FHIT: variants seen among roughly 807,000 people sequenced by gnomAD.
FHIT encodes the protein fragile histidine triad diadenosine triphosphatase.
FHIT carries 19 observed loss-of-function variants against 17.9 expected under a neutral mutation model. The ratio of observed to expected loss-of-function variants is 1.06; its 90% CI spans 0.74 to 1.56. The LOEUF (loss-of-function observed/expected upper bound fraction) is 1.56, where lower values mean the gene tolerates loss of function less well. Ranked by LOEUF, FHIT falls within the 40% of genes most tolerant of loss-of-function variation. FHIT has a pLI of 0.00. For synonymous variants in FHIT, 81 were observed against 69.7 expected (o/e 1.16, Z -0.81); for missense variants, 248 against 189.2 (o/e 1.31, Z -1.82).
intron 1 of FHIT, among the ~76,000 whole-genome samples, chr3:61,232,075 A>G (rs13099255): frequency 6.6e-6 from 1 of 152,238 alleles, no homozygotes; most frequent in Non-Finnish European, 1.5e-5. Flanking sequence ...AAGACTGTCC[A>G]TATGTAAAAG....
chr3:60,072,007 C>T (rs1253822410), intron 5 of FHIT, among the ~76,000 whole-genome samples: 2 of 152,178 alleles, frequency 1.3e-5, no homozygotes, highest in East Asian at 1.9e-4. Flanking sequence ...TCCGTTAAAC[C>T]TCTTCCCTTT....
chr3:61,065,844 G>A (rs372941002), intron 2 of FHIT, among the ~76,000 whole-genome samples: 6 of 152,058 alleles, frequency 3.9e-5, no homozygotes, highest in African/African-American at 1.4e-4. Context: ...GTGCTGACAT[G>A]GCAGTTCTAC....
intron 2 of FHIT, among the ~76,000 whole-genome samples, chr3:61,047,786 C>T (rs2033863685): frequency 1.3e-5 from 2 of 151,546 alleles, no homozygotes; most frequent in African/African-American, 4.8e-5. Context: ...AGATATAGAC[C>T]AATGGAACAG....
intron 8 of FHIT, among the ~76,000 whole-genome samples, chr3:59,856,360 C>T (rs1363013127): frequency 1.3e-5 from 2 of 152,118 alleles, no homozygotes; most frequent in East Asian, 3.8e-4. Flanking sequence ...GGTGATTTTA[C>T]ACGCAAATTT....
chr3:60,428,663 AG>A (rs35095248), intron 5 of FHIT, among the ~76,000 whole-genome samples: 1 of 152,178 alleles, frequency 6.6e-6, no homozygotes, highest in Non-Finnish European at 1.5e-5. Flanking sequence ...AGCAAGTGAC[AG>A]GGGTAAATGC....
At chr3:60,536,011 T>G (rs1157466974) in intron 5 of FHIT, 1 of 152,140 alleles carries the variant, frequency 6.6e-6, no homozygotes, top group African/African-American at 2.4e-5. Context: ...ACTTATTATC[T>G]GAAAATATCA....
chr3:60,637,912 G>T (rs1208841638), intron 4 of FHIT, among the ~76,000 whole-genome samples: 1 of 152,128 alleles, frequency 6.6e-6, no homozygotes, highest in South Asian at 2.1e-4. Flanking sequence ...TAGACATGAT[G>T]AATTGGCAAA....
At chr3:60,039,298 C>G (rs1201549653) in intron 5 of FHIT, among the ~76,000 whole-genome samples, 1 of 152,214 alleles carries the variant, frequency 6.6e-6, no homozygotes, top group African/African-American at 2.4e-5. Context: ...CTTACTTCTC[C>G]CATCATCTGA....
intron 2 of FHIT, among the ~76,000 whole-genome samples, chr3:61,140,031 A>AT (rs1419877074): frequency 2.6e-5 from 4 of 151,742 alleles, no homozygotes; most frequent in African/African-American, 9.7e-5. Context: ...GCAAAAAAAA[A>AT]AAAAAAATAA....
intron 2 of FHIT, among the ~76,000 whole-genome samples, chr3:61,112,465 T>G (rs2036187983): frequency 6.6e-6 from 1 of 152,138 alleles, no homozygotes; most frequent in South Asian, 2.1e-4. Context: ...GACAATATAT[T>G]TCCCCTGACA....
intron 5 of FHIT, among the ~76,000 whole-genome samples, chr3:60,450,911 A>G (rs919840373): frequency 1.3e-5 from 2 of 152,144 alleles, no homozygotes; most frequent in Non-Finnish European, 2.9e-5. Context: ...ATAGTAGACT[A>G]TTTTTCTCAT....
At chr3:60,180,971 A>AT (rs1303246624) in intron 5 of FHIT, among the ~76,000 whole-genome samples, 1 of 152,042 alleles carries the variant, frequency 6.6e-6, no homozygotes, top group Non-Finnish European at 1.5e-5. Flanking sequence ...TAAATTTTCT[A>AT]TTTTAAAATG....
At chr3:60,569,749 A>ATT (rs1553654729) in intron 4 of FHIT, among the ~76,000 whole-genome samples, 5 of 62,772 alleles carry the variant, frequency 8.0e-5, no homozygotes, top group East Asian at 7.4e-4. Flanking sequence ...ATATATATAT[A>ATT]TATATATTTT....
intron 8 of FHIT, among the ~76,000 whole-genome samples, chr3:59,760,136 A>T (rs1213177395): frequency 1.3e-5 from 2 of 152,208 alleles, no homozygotes; most frequent in African/African-American, 4.8e-5. Context: ...CTTTGACTTA[A>T]GCATAACTTA....
chr3:60,311,960 T>C (rs1172410218), intron 5 of FHIT, among the ~76,000 whole-genome samples: 1 of 152,150 alleles, frequency 6.6e-6, no homozygotes. Context: ...GGTAATACAG[T>C]ATAATAGTTC....
At chr3:60,217,236 T>C (rs1478178214) in intron 5 of FHIT, among the ~76,000 whole-genome samples, 1 of 152,156 alleles carries the variant, frequency 6.6e-6, no homozygotes, top group Non-Finnish European at 1.5e-5. Context: ...AAACATAGGA[T>C]TTCTGCTTCA....
At chr3:59,857,091 G>A (rs192036482) in intron 8 of FHIT, among the ~76,000 whole-genome samples, 7 of 152,290 alleles carry the variant, frequency 4.6e-5, no homozygotes, top group South Asian at 2.1e-4. Context: ...AGCTGCTATC[G>A]GGGACACAGC....
chr3:61,211,363 G>A lies in FHIT; in HGVS notation c.-212-10698C>T, dbSNP rs113243377. 4.6e-3 allele frequency among the ~76,000 whole-genome samples: 694 copies of A among 152,308 alleles called. 4 individuals carry two copies. The highest frequency in any genetic ancestry group is 0.016 in the African/African-American group (654 of 41,562). On this transcript the variant is annotated intron_variant, in intron 1 of 9. Coordinates refer to ENST00000492590, the MANE Select transcript of FHIT (RefSeq NM_002012.4). Reference sequence around the variant, plus strand: ...CACCAGAAGATTATATCCCACACCTGGCTCGAAGGGTCCTATGCCCACGGA... The same window carrying A: ...CACCAGAAGATTATATCCCACACCTAGCTCGAAGGGTCCTATGCCCACGGA...
intron 8 of FHIT, among the ~76,000 whole-genome samples, chr3:59,857,379 T>A (rs1702202355): frequency 6.6e-6 from 1 of 152,088 alleles, no homozygotes; most frequent in African/African-American, 2.4e-5. Context: ...TTTTTAAACA[T>A]TCTGGCCACT....
Sources: gnomAD v4.1 joint callset for allele counts (sites outside exome capture counted in the v4.1 genomes callset) on GRCh38, gnomAD v4.1.1 for gene constraint, MANE v1.5 for transcripts, NCBI Gene and HGNC (gene_info 2026-07-23, HGNC 2026-07-21) for gene names.